Variants in DOK6 observed in about 807,000 individuals in gnomAD.
The protein encoded by DOK6 is downstream of tyrosine kinase 6.
A neutral mutation model predicts 44.0 loss-of-function variants in DOK6; 22 were observed. The ratio of observed to expected loss-of-function variants is 0.50; its 90% confidence interval spans 0.36 to 0.71. The LOEUF is 0.71. DOK6 is among the 30% of genes least tolerant of loss of function. DOK6 has a pLI of 0.00. For missense variants in DOK6, 340 were observed against 416.4 expected, an observed-to-expected ratio of 0.82 and a Z score of 1.60; for synonymous variants, 166 against 145.5, an observed-to-expected ratio of 1.14 and a Z score of -1.01.
chr18:69,778,303 G>A (rs1435203392), intron 7 of DOK6, among the ~76,000 whole-genome samples: 1 of 152,106 alleles, frequency 6.6e-6, no homozygotes, highest in African/African-American at 2.4e-5. Flanking sequence ...AGCAGATGCC[G>A]AGATGGGTTG....
At chr18:69,777,979 C>G (rs1180874741) in intron 7 of DOK6, 1 of 152,132 alleles carries the variant, frequency 6.6e-6, no homozygotes, top group East Asian at 1.9e-4. Flanking sequence ...ATAAAGCAGA[C>G]TAAAGTGCTC....
At chr18:69,563,365 A>G (rs1252839925) in intron 1 of DOK6, among the ~76,000 whole-genome samples, 5 of 152,136 alleles carry the variant, frequency 3.3e-5, no homozygotes, top group Non-Finnish European at 7.3e-5. Context: ...TGTTTATTGC[A>G]GCACTATTCA....
intron 5 of DOK6, among the ~76,000 whole-genome samples, chr18:69,700,589 C>A (rs1300579400): frequency 6.6e-6 from 1 of 152,032 alleles, no homozygotes. Context: ...AGAGATCTGT[C>A]CTTTGGACAC....
At position 69,563,504 on chromosome 18, in the gene DOK6, A is replaced by G. The variant is rs183090004; in HGVS notation, c.67-983A>G. Among the ~76,000 whole-genome samples, 26 of 152,050 alleles carry G rather than the reference A, an allele frequency of 1.7e-4. 1 individual carries two copies. Among genetic ancestry groups the G allele is most frequent in the Non-Finnish European group, 3.5e-4 (24 of 68,026 alleles). Reference sequence around the variant, plus strand: ...TGATGAGTTCATATCCTTTGTAGGGACATGGATGAAGCTGGAAACCATCAT... The same window carrying G: ...TGATGAGTTCATATCCTTTGTAGGGGCATGGATGAAGCTGGAAACCATCAT... On this transcript the variant is annotated intron_variant, in intron 1 of 7. Coordinates refer to ENST00000382713, the MANE Select transcript of DOK6 (RefSeq NM_152721.6).
In DOK6 at chr18:69,569,169, C is replaced by T. The variant is rs112023193; in HGVS notation, c.174+4575C>T. 6.6e-3 allele frequency among the ~76,000 whole-genome samples: 1,004 copies of T among 151,936 alleles called. 8 individuals carry two copies. Among genetic ancestry groups the T allele is most frequent in the African/African-American group, 0.022 (927 of 41,416 alleles). ...AAGATTCGGCATCATTGTTCAGAAA[C>T]CAGGAGAAATCTAGGCTGCCAGAAA... On this transcript the variant is annotated intron_variant, in intron 2 of 7. Transcript: ENST00000382713.
At chr18:69,471,109 C>G (rs1272039505) in intron 1 of DOK6, among the ~76,000 whole-genome samples, 1 of 151,170 alleles carries the variant, frequency 6.6e-6, no homozygotes, top group East Asian at 1.9e-4. Flanking sequence ...ATTAGCCGGG[C>G]GTGGTGGCAT....
chr18:69,738,383 A>G (rs933565191), intron 5 of DOK6, among the ~76,000 whole-genome samples: 1 of 152,202 alleles, frequency 6.6e-6, no homozygotes, highest in African/African-American at 2.4e-5. Context: ...AAAATATTAA[A>G]ATGTTTTCCA....
intron 7 of DOK6, among the ~76,000 whole-genome samples, chr18:69,807,407 A>G (rs1361565155): frequency 6.6e-6 from 1 of 151,978 alleles, no homozygotes; most frequent in Non-Finnish European, 1.5e-5. Flanking sequence ...ACAACCAAAA[A>G]ACAATTAGCA....
chr18:69,549,104 A>G (rs1982492432), intron 1 of DOK6, among the ~76,000 whole-genome samples: 1 of 150,958 alleles, frequency 6.6e-6, no homozygotes, highest in Non-Finnish European at 1.5e-5. Context: ...TCAAAAAAAA[A>G]AAAACAACAA....
At chr18:69,472,217 A>T (rs1310314791) in intron 1 of DOK6, among the ~76,000 whole-genome samples, 2 of 152,188 alleles carry the variant, frequency 1.3e-5, no homozygotes, top group African/African-American at 2.4e-5. Context: ...AGTTAAAGAG[A>T]TATAATAAAA....
chr18:69,768,321 C>T (rs1343140279), intron 7 of DOK6, among the ~76,000 whole-genome samples: 2 of 151,926 alleles, frequency 1.3e-5, no homozygotes, highest in African/African-American at 2.4e-5. Flanking sequence ...TGTATATACA[C>T]ACACAAACAC....
chr18:69,800,164 A>G (rs1423298120), intron 7 of DOK6, among the ~76,000 whole-genome samples: 1 of 152,094 alleles, frequency 6.6e-6, no homozygotes, highest in Non-Finnish European at 1.5e-5. Context: ...CAGTAAATGA[A>G]ATATAAAGCC....
intron 1 of DOK6, among the ~76,000 whole-genome samples, chr18:69,536,883 C>T (rs1982136117): frequency 6.6e-6 from 1 of 151,760 alleles, no homozygotes; most frequent in Admixed American, 6.6e-5. Flanking sequence ...ACTGAAAGAA[C>T]AAGGGCTCAA....
At chr18:69,679,233 A>T (rs903669762) in intron 4 of DOK6, among the ~76,000 whole-genome samples, 1 of 152,182 alleles carries the variant, frequency 6.6e-6, no homozygotes, top group African/African-American at 2.4e-5. Flanking sequence ...ACTAAATAGC[A>T]TAGGTAAAAG....
rs1007987039 is a variant in DOK6 at position 69,843,533 on chromosome 18, C to G, written c.*2150C>G. ...GGAACGGCCCTCAGGGGTCCTGGTTCACATCTCAGCTTTATTCATGTGCTG... is the reference window on the plus strand; with the variant it reads ...GGAACGGCCCTCAGGGGTCCTGGTTGACATCTCAGCTTTATTCATGTGCTG... On this transcript the variant is annotated 3_prime_UTR_variant, in exon 8 of 8. Transcript: ENST00000382713. The G allele has an allele frequency of 6.6e-6, 1 of 152,240 alleles. No individual in the cohort carries two copies. Among genetic ancestry groups the G allele is most frequent in the Non-Finnish European group, 1.5e-5 (1 of 68,048 alleles). 9.4% of individuals were successfully genotyped at this position (152,240 alleles called of 1,614,324 possible).
intron 7 of DOK6, among the ~76,000 whole-genome samples, chr18:69,778,962 C>G (rs1039662759): frequency 6.6e-6 from 1 of 152,038 alleles, no homozygotes; most frequent in African/African-American, 2.4e-5. Flanking sequence ...AGAATTTTAC[C>G]GGCTCACTTC....
At chr18:69,831,387 T>A (rs573562772) in intron 7 of DOK6, among the ~76,000 whole-genome samples, 1 of 152,300 alleles carries the variant, frequency 6.6e-6, no homozygotes, top group Admixed American at 6.5e-5. Context: ...ACAGACACAC[T>A]CAGAAATAAT....
At position 69,837,096 on chromosome 18, in the gene DOK6, C is replaced by G. The variant is rs553382406; in HGVS notation, c.857-4148C>G. The stretch of plus-strand genomic sequence containing the variant: ...AGGAGGTGAAGAAAGCGATGCTGAC[C>G]TTGAGGGGGAGAATATTCTAAGTAT... On this transcript the variant is annotated intron_variant, in intron 7 of 7. Transcript: ENST00000382713. Among the ~76,000 whole-genome samples, 6 of 152,192 alleles carry G rather than the reference C, an allele frequency of 3.9e-5. No individual in the cohort carries two copies. In the East Asian group the frequency reaches 1.2e-3, roughly 29 times the overall value.
chr18:69,554,462 T>C (rs2087899895), intron 1 of DOK6, among the ~76,000 whole-genome samples: 1 of 152,214 alleles, frequency 6.6e-6, no homozygotes, highest in Non-Finnish European at 1.5e-5. Context: ...GATTATTTTA[T>C]TCAACATAAC....
Sources: gnomAD v4.1 joint callset for allele counts (sites outside exome capture counted in the v4.1 genomes callset) on GRCh38, gnomAD v4.1.1 for gene constraint, MANE v1.5 for transcripts, NCBI Gene and HGNC (gene_info 2026-07-23, HGNC 2026-07-21) for gene names.